AGO2: variants seen among roughly 807,000 people sequenced by gnomAD.
AGO2 encodes argonaute RISC catalytic component 2.
A neutral mutation model predicts 102.3 loss-of-function variants in AGO2; 5 were observed. That is an observed-to-expected ratio of 0.05 (90% CI 0.03 to 0.10). The LOEUF is 0.10. Among genes scored for constraint, AGO2 ranks in the 10% least tolerant of loss-of-function variants. The probability of loss-of-function intolerance (pLI) is 1.00; values close to 1 mark genes in which losing one functional copy is unlikely to be tolerated. For missense variants in AGO2, 541 were observed against 1,183.7 expected, an observed-to-expected ratio of 0.46 and a Z score of 7.97; for synonymous variants, 449 against 473.1, an observed-to-expected ratio of 0.95 and a Z score of 0.66.
rs1292470195 is a variant in AGO2, at chr8:140,557,540, C to T, written c.879-304G>A. ...GAATGGGCACGACCAGAAAGGCCTG[C>T]GCGTCTTCCAGCAGACCGTGGTGAC... is the stretch of plus-strand genomic sequence containing the variant. On this transcript the variant is annotated intron_variant, in intron 7 of 18. Coordinates refer to ENST00000220592, the MANE Select transcript of AGO2 (RefSeq NM_012154.5). The surrounding 1 kb of genome is among the most constrained non-coding windows in gnomAD (Gnocchi z 5.9). 6.6e-6 allele frequency among the ~76,000 whole-genome samples: 1 copy of T among 152,226 alleles called. No homozygotes were observed. Among genetic ancestry groups the T allele is most frequent in the East Asian group, 1.9e-4 (1 of 5,202 alleles).
Position 140,521,297 on chromosome 8 carries a change from G to A in AGO2, c.*10747C>T, listed in dbSNP as rs551415686. 2.0e-5 allele frequency: 3 copies of A among 152,296 alleles called. No homozygotes were observed. The highest frequency in any genetic ancestry group is 2.9e-5 in the Non-Finnish European group (2 of 68,028). The allele number at this position is 152,296 out of a possible 1,614,324, so 9.4% of individuals were successfully genotyped here. A position where few individuals can be genotyped will look rare whatever the true frequency, so the allele number is the denominator to read the frequency against. ...ATAGAGCTTAAGTATCAACCTGATG[G>A]AAGTTAGAAAATTAAAAACATTTAA... On this transcript the variant is annotated 3_prime_UTR_variant, in exon 19 of 19. Transcript: ENST00000220592.
chr8:140,534,871 G>A (rs34394134), intron 17 of AGO2, among the ~76,000 whole-genome samples: 3,662 of 152,338 alleles, frequency 0.024, 57 homozygotes, highest in Middle Eastern at 0.044. Context: ...CACGGACGTG[G>A]TGCTCCTGCT....
At chr8:140,593,476 G>A (rs1410945836) in intron 1 of AGO2, among the ~76,000 whole-genome samples, 2 of 150,626 alleles carry the variant, frequency 1.3e-5, no homozygotes, top group Non-Finnish European at 2.9e-5. Context: ...ACAGGTGTGA[G>A]CCACTGTGCC....
intron 1 of AGO2, among the ~76,000 whole-genome samples, chr8:140,631,560 G>A (rs994530930): frequency 4.0e-5 from 6 of 151,502 alleles, no homozygotes; most frequent in East Asian, 1.9e-4. Context: ...AGAAAAAAAA[G>A]AAGACGTAAA....
At chr8:140,609,475 C>T (rs181694153) in intron 1 of AGO2, among the ~76,000 whole-genome samples, 91 of 152,326 alleles carry the variant, frequency 6.0e-4, no homozygotes, top group African/African-American at 2.1e-3. Flanking sequence ...CACGGCGGCC[C>T]GCCCATCACC....
chr8:140,615,891 G>A (rs1385968243), intron 1 of AGO2, among the ~76,000 whole-genome samples: 1 of 152,190 alleles, frequency 6.6e-6, no homozygotes, highest in Non-Finnish European at 1.5e-5. Flanking sequence ...CAAACAATGG[G>A]ACCAAATACC....
chr8:140,559,768 T>C (rs1015274275), intron 5 of AGO2, among the ~76,000 whole-genome samples: 8 of 152,210 alleles, frequency 5.3e-5, no homozygotes, highest in African/African-American at 1.9e-4. Context: ...GGCTGATTAG[T>C]TAAAGACTAA....
Position 140,547,733 on chromosome 8 carries a change from G to C in AGO2, c.1589-106C>G, listed in dbSNP as rs2072925320. ...CTCTTGCCCCCATCTGGCAAGTGCA[G>C]CCATGGCAGCTGTGCTGAGCTTTGC... On this transcript the variant is annotated intron_variant, in intron 12 of 18. Transcript: ENST00000220592. The C allele has an allele frequency of 2.7e-6, 4 of 1,458,074 alleles. No homozygotes were observed. In the Admixed American group the frequency reaches 8.6e-5, roughly 31 times the overall value. 90.3% of individuals were successfully genotyped at this position (1,458,074 alleles called of 1,614,324 possible). A position where few individuals can be genotyped will look rare whatever the true frequency, so the allele number is the denominator to read the frequency against.
intron 12 of AGO2, among the ~76,000 whole-genome samples, chr8:140,547,987 A>G (rs11166983): frequency 0.41 from 62,336 of 152,102 alleles, 13,112 homozygotes; most frequent in East Asian, 0.58. Context: ...AAAGAGCCCA[A>G]CTAAAAGAAA....
intron 1 of AGO2, among the ~76,000 whole-genome samples, chr8:140,615,215 C>T (rs1004901706): frequency 2.0e-5 from 3 of 152,232 alleles, no homozygotes; most frequent in African/African-American, 7.2e-5. Context: ...CGTGCCACTC[C>T]ACTCCAGCCC....
upstream of AGO2, among the ~76,000 whole-genome samples, chr8:140,639,614 T>TA (rs770478461): frequency 9.0e-5 from 13 of 144,118 alleles, no homozygotes; most frequent in Admixed American, 3.5e-4. Context: ...CGCTACAAAA[T>TA]AAAAAAAAAT....
intron 16 of AGO2, among the ~76,000 whole-genome samples, chr8:140,537,632 G>T: frequency 6.6e-6 from 1 of 151,480 alleles, no homozygotes; most frequent in Admixed American, 6.6e-5. Flanking sequence ...TTTCATTTTT[G>T]TCTGGAAACA....
chr8:140,637,170 G>C (rs4961279), upstream of AGO2: 24,074 of 152,230 alleles, frequency 0.16, 2,449 homozygotes, highest in Admixed American at 0.31. Flanking sequence ...ATGCTTTTCT[G>C]TACCTTTACT....
intron 3 of AGO2, among the ~76,000 whole-genome samples, chr8:140,565,843 G>C (rs961493907): frequency 6.6e-6 from 1 of 151,996 alleles, no homozygotes; most frequent in Admixed American, 6.6e-5. Flanking sequence ...TCTTTGGGTG[G>C]CTGAGGTGGG....
At chr8:140,628,489 C>A (rs543181524) in intron 1 of AGO2, among the ~76,000 whole-genome samples, 1 of 152,236 alleles carries the variant, frequency 6.6e-6, no homozygotes. Context: ...CAGTGTTAAG[C>A]AGCACAGATG....
At chr8:140,638,752 C>T (rs575192247), upstream of AGO2, among the ~76,000 whole-genome samples, 10 of 152,136 alleles carry the variant, frequency 6.6e-5, no homozygotes, top group African/African-American at 2.4e-4. Flanking sequence ...TTTTTAAAAA[C>T]TTTTGTAGAG....
At chr8:140,553,428 A>C (rs886836767) in intron 10 of AGO2, among the ~76,000 whole-genome samples, 1 of 112,152 alleles carries the variant, frequency 8.9e-6, no homozygotes, top group Non-Finnish European at 1.7e-5. Flanking sequence ...TTTTTTTTTG[A>C]GACGGAGTTT....
At chr8:140,570,878 A>G (rs1451172572) in intron 3 of AGO2, among the ~76,000 whole-genome samples, 1 of 152,182 alleles carries the variant, frequency 6.6e-6, no homozygotes, top group Non-Finnish European at 1.5e-5. Flanking sequence ...CAAATACCAT[A>G]TAGACGCCCT....
chr8:140,577,424 T>C (rs1307473059), intron 2 of AGO2, among the ~76,000 whole-genome samples: 1 of 152,178 alleles, frequency 6.6e-6, no homozygotes, highest in Admixed American at 6.5e-5. Flanking sequence ...GCATGTCCTA[T>C]TGATTGTGGT....
Sources: allele counts gnomAD v4.1 joint callset (sites outside exome capture counted in the v4.1 genomes callset), GRCh38; gene constraint gnomAD v4.1.1; non-coding constraint Gnocchi (gnomAD v3.1); transcripts MANE v1.5; gene names NCBI Gene and HGNC (gene_info 2026-07-23, HGNC 2026-07-21).